RSRC1: variants seen among roughly 807,000 people sequenced by gnomAD.
RSRC1 encodes the protein serine/Arginine-related protein 53.
In RSRC1, 39 loss-of-function variants were observed where a neutral mutation model predicts 49.1. That is an observed-to-expected ratio of 0.79 (90% confidence interval 0.61 to 1.04). The LOEUF (loss-of-function observed/expected upper bound fraction) is 1.04. Ranked by LOEUF, RSRC1 falls within the 50% of genes least tolerant of loss-of-function variation. RSRC1 has a pLI of 0.00. For synonymous variants in RSRC1, 143 were observed against 130.8 expected, an observed-to-expected ratio of 1.09 and a Z score of -0.63; for missense variants, 388 against 402.4, an observed-to-expected ratio of 0.96 and a Z score of 0.31.
chr3:158,432,951 C>G (rs1442179102), intron 6 of RSRC1, among the ~76,000 whole-genome samples: 2 of 151,726 alleles, frequency 1.3e-5, no homozygotes, highest in African/African-American at 2.4e-5. Flanking sequence ...AGAAATTCAA[C>G]TTAGATAATT....
chr3:158,481,341 C>A (rs536469793), intron 7 of RSRC1, among the ~76,000 whole-genome samples: 1 of 152,094 alleles, frequency 6.6e-6, no homozygotes. Flanking sequence ...CATAGCTAAA[C>A]CCTAACCACA....
chr3:158,290,954 G>A (rs1197609505), intron 4 of RSRC1, among the ~76,000 whole-genome samples: 3 of 152,226 alleles, frequency 2.0e-5, no homozygotes, highest in Non-Finnish European at 2.9e-5. Context: ...AGTTCTTTGG[G>A]TGGCTGAGAT....
At chr3:158,476,080 A>G (rs1738353460) in intron 7 of RSRC1, among the ~76,000 whole-genome samples, 1 of 152,172 alleles carries the variant, frequency 6.6e-6, no homozygotes, top group African/African-American at 2.4e-5. Context: ...TGGATAGAAG[A>G]TCTAGATAGA....
intron 5 of RSRC1, among the ~76,000 whole-genome samples, chr3:158,306,373 C>T (rs1388745292): frequency 6.6e-6 from 1 of 151,818 alleles, no homozygotes. Flanking sequence ...AATATGTATA[C>T]ACACACGTGA....
chr3:158,281,233 AATG>A (rs1368426316), intron 4 of RSRC1, among the ~76,000 whole-genome samples: 12 of 152,136 alleles, frequency 7.9e-5, no homozygotes, highest in Non-Finnish European at 1.0e-4. Context: ...CAGAAGGATG[AATG>A]ATAAGATCCT....
chr3:158,490,471 A>T (rs1366197554), intron 7 of RSRC1, among the ~76,000 whole-genome samples: 1 of 152,192 alleles, frequency 6.6e-6, no homozygotes, highest in Non-Finnish European at 1.5e-5. Flanking sequence ...ATGGAGCAAA[A>T]CTGGCACCGT....
At chr3:158,316,862 C>T (rs1578327464) in intron 5 of RSRC1, among the ~76,000 whole-genome samples, 2 of 152,224 alleles carry the variant, frequency 1.3e-5, no homozygotes, top group East Asian at 3.9e-4. Context: ...TCAAATAGTG[C>T]TTAATTTACC....
intron 6 of RSRC1, among the ~76,000 whole-genome samples, chr3:158,383,633 C>G (rs1732823849): frequency 6.6e-6 from 1 of 152,166 alleles, no homozygotes; most frequent in South Asian, 2.1e-4. Flanking sequence ...TGGGGGAATA[C>G]TCACCAACTA....
At chr3:158,350,087 G>A (rs1730782400) in intron 5 of RSRC1, among the ~76,000 whole-genome samples, 1 of 149,388 alleles carries the variant, frequency 6.7e-6, no homozygotes, top group South Asian at 2.1e-4. Flanking sequence ...CTATTTTTGT[G>A]ATATTCTTTA....
chr3:158,126,437 T>A lies in RSRC1; in HGVS notation c.320+2446T>A, dbSNP rs1715634392. On this transcript the variant is annotated intron_variant, in intron 3 of 9. Transcript: ENST00000611884. ...CTTACACAAAACATTGTCTTTTAAG[T>A]TGGTAATAACCTTTGACTTTATACA... Among the ~76,000 whole-genome samples, 4 of 152,326 alleles carry A rather than the reference T, an allele frequency of 2.6e-5. No homozygotes were observed. The South Asian group carries it at 8.3e-4, about 32-fold the overall frequency.
intron 4 of RSRC1, among the ~76,000 whole-genome samples, chr3:158,244,612 T>C (rs1723782962): frequency 6.6e-6 from 1 of 152,196 alleles, no homozygotes; most frequent in African/African-American, 2.4e-5. Context: ...CTGCCAGGTT[T>C]CAGTAACAGG....
intron 5 of RSRC1, among the ~76,000 whole-genome samples, chr3:158,329,451 T>C (rs1449953047): frequency 3.9e-5 from 6 of 152,358 alleles, no homozygotes; most frequent in African/African-American, 1.4e-4. Flanking sequence ...GTTTTTCTTC[T>C]AACAGTCAGG....
chr3:158,484,572 G>A (rs1255131018), intron 7 of RSRC1, among the ~76,000 whole-genome samples: 1 of 152,010 alleles, frequency 6.6e-6, no homozygotes, highest in Non-Finnish European at 1.5e-5. Flanking sequence ...AGGCATACTA[G>A]TTTTAAATAT....
chr3:158,531,028 T>G (rs939707030), intron 7 of RSRC1, among the ~76,000 whole-genome samples: 2 of 151,226 alleles, frequency 1.3e-5, no homozygotes, highest in Non-Finnish European at 3.0e-5. Context: ...AGTTTTATTT[T>G]TTAATGGTAA....
chr3:158,324,919 C>T (rs144747720), intron 5 of RSRC1, among the ~76,000 whole-genome samples: 2,885 of 152,294 alleles, frequency 0.019, 36 homozygotes, highest in Middle Eastern at 0.048. Flanking sequence ...TTAATGATCG[C>T]CATTGTAACT....
chr3:158,294,884 C>A (rs755082127), intron 4 of RSRC1, among the ~76,000 whole-genome samples: 2 of 152,064 alleles, frequency 1.3e-5, no homozygotes, highest in Non-Finnish European at 2.9e-5. Context: ...TGCTCAGAGA[C>A]CTGAGCTGGT....
intron 5 of RSRC1, among the ~76,000 whole-genome samples, chr3:158,324,202 T>A (rs992688401): frequency 4.6e-5 from 7 of 151,162 alleles, no homozygotes; most frequent in Non-Finnish European, 7.4e-5. Flanking sequence ...ATTTGCTCTT[T>A]TAGATATCAA....
chr3:158,414,526 A>G (rs575803028), intron 6 of RSRC1, among the ~76,000 whole-genome samples: 9 of 152,236 alleles, frequency 5.9e-5, no homozygotes, highest in African/African-American at 2.2e-4. Context: ...AAACCTGCAC[A>G]TCCAGCACGT....
At chr3:158,435,073 C>T (rs1735976743) in intron 6 of RSRC1, among the ~76,000 whole-genome samples, 2 of 151,794 alleles carry the variant, frequency 1.3e-5, no homozygotes, top group African/African-American at 4.8e-5. Context: ...ATAACTTGTG[C>T]CACACTTATG....
Sources: gnomAD v4.1 joint callset for allele counts (sites outside exome capture counted in the v4.1 genomes callset) on GRCh38, gnomAD v4.1.1 for gene constraint, MANE v1.5 for transcripts, NCBI Gene and HGNC (gene_info 2026-07-23, HGNC 2026-07-21) for gene names.